SNORC: variants seen among roughly 807,000 people sequenced by gnomAD.
The protein encoded by SNORC is protein SNORC.
In SNORC, 11 loss-of-function variants were observed where a neutral mutation model predicts 9.7. The observed-to-expected ratio is 1.14, with a 90% CI of 0.72 to 1.88. The LOEUF (loss-of-function observed/expected upper bound fraction) is 1.88, where lower values mean the gene tolerates loss of function less well. Ranked by LOEUF, SNORC falls within the 40% of genes most tolerant of loss-of-function variation. SNORC has a pLI of 0.00. For synonymous variants in SNORC, 108 were observed against 88.7 expected (o/e 1.22, Z -1.22); for missense variants, 197 against 173.1 (o/e 1.14, Z -0.77).
intron 1 of SNORC, chr2:232,875,499 TG>T: frequency 2.3e-6 from 1 of 432,946 alleles, no homozygotes; most frequent in Non-Finnish European, 4.8e-6. Flanking sequence ...TTGCCGGGGA[TG>T]GATGGCCCAG....
chr2:232,870,751 G>C (rs564988373), intron 1 of SNORC, among the ~76,000 whole-genome samples: 1 of 152,210 alleles, frequency 6.6e-6, no homozygotes, highest in East Asian at 1.9e-4. Flanking sequence ...AGGCAGCTGG[G>C]GCACCAGGCA....
At chr2:232,877,155 G>A (rs994672440), downstream of SNORC, 46 of 985,450 alleles carry the variant, frequency 4.7e-5, no homozygotes, top group Non-Finnish European at 5.2e-5. Flanking sequence ...GAGAGTCGAC[G>A]CCGGACACGG....
upstream of SNORC, among the ~76,000 whole-genome samples, chr2:232,866,608 A>G (rs549111787): frequency 6.6e-6 from 1 of 152,188 alleles, no homozygotes; most frequent in South Asian, 2.1e-4. Flanking sequence ...ATTCTATGGT[A>G]TTTTTCACCA....
At chr2:232,872,517 C>A (rs527825151) in intron 1 of SNORC, among the ~76,000 whole-genome samples, 2 of 152,322 alleles carry the variant, frequency 1.3e-5, no homozygotes, top group East Asian at 3.9e-4. Flanking sequence ...GCCCCTGCTT[C>A]CCTGGGTCAG....
At chr2:232,874,747 C>G (rs947653004) in intron 1 of SNORC, among the ~76,000 whole-genome samples, 7 of 152,206 alleles carry the variant, frequency 4.6e-5, no homozygotes, top group African/African-American at 1.7e-4. Flanking sequence ...AAAAGGTGCC[C>G]TAGGGTCGCC....
chr2:232,876,125 A>G lies in SNORC; in HGVS notation c.256+3A>G. 1 of 1,276,868 alleles carries G rather than the reference A, an allele frequency of 7.8e-7. No individual in the cohort carries two copies. The highest frequency in any genetic ancestry group is 1.0e-6 in the Non-Finnish European group (1 of 994,940). 79.1% of individuals were successfully genotyped at this position (1,276,868 alleles called of 1,614,324 possible). A position where few individuals can be genotyped will look rare whatever the true frequency, so the allele number is the denominator to read the frequency against. On this transcript the variant is annotated splice_donor_region_variant and intron_variant, in intron 2 of 2. Coordinates refer to ENST00000331342, the Ensembl canonical transcript of SNORC. This position sits in a 1 kb window ranked among gnomAD's most constrained non-coding sequence, Gnocchi z 6.8. ...GGAGCGGCTGGACCAGGGCGGCGGT[A>G]CGGGCGGGGCGGGGGAGGGAGGGGA...
intron 1 of SNORC, among the ~76,000 whole-genome samples, chr2:232,872,159 G>A (rs1414914356): frequency 6.6e-6 from 1 of 152,212 alleles, no homozygotes; most frequent in Non-Finnish European, 1.5e-5. Flanking sequence ...GCTCTGGACA[G>A]GTGTGTACAC....
intron 1 of SNORC, 94 bp downstream of exon 1, chr2:232,870,508 A>G (rs1260519310): frequency 2.4e-6 from 3 of 1,241,708 alleles, no homozygotes; most frequent in East Asian, 2.5e-5. Flanking sequence ...CTGGGGAGGA[A>G]GCCCTCTCAC....
At chr2:232,876,648 T>C (rs1691263060), downstream of SNORC, 2 of 1,021,808 alleles carry the variant, frequency 2.0e-6, no homozygotes, top group Non-Finnish European at 2.3e-6. This position sits in a 1 kb window ranked among gnomAD's most constrained non-coding sequence, Gnocchi z 6.8. Context: ...GCCGCGCGGC[T>C]CGGCGTCCCC....
At position 232,871,331 on chromosome 2, in the gene SNORC, A is replaced by G. The variant is rs573465012; in HGVS notation, c.73+917A>G. On this transcript the variant is annotated intron_variant, in intron 1 of 2. Coordinates refer to ENST00000331342, the Ensembl canonical transcript of SNORC. ...GTGACAGCGAGGAGCACCGGAGACT[A>G]TTGGCTTCTCCCTGGACGCCCAGGA... Among the ~76,000 whole-genome samples, 95 of 152,166 alleles carry G rather than the reference A, an allele frequency of 6.2e-4. 1 individual carries two copies. Among genetic ancestry groups the G allele is most frequent in the Admixed American group, 1.5e-3 (23 of 15,284 alleles).
At chr2:232,875,589 G>A (rs571794473) in intron 1 of SNORC, 17 of 421,590 alleles carry the variant, frequency 4.0e-5, no homozygotes, top group Admixed American at 1.9e-4. Context: ...TCATGCAGGC[G>A]TCTCAGCCTG....
chr2:232,877,042 G>A (rs1009892706), downstream of SNORC: 3 of 985,614 alleles, frequency 3.0e-6, no homozygotes, highest in South Asian at 1.4e-4. Context: ...GGTTTTGGGG[G>A]ACGTCTTGAC....
chr2:232,867,591 T>G (rs1344765302), upstream of SNORC, among the ~76,000 whole-genome samples: 4 of 152,358 alleles, frequency 2.6e-5, no homozygotes, highest in East Asian at 7.7e-4. Flanking sequence ...AATTTGAGTT[T>G]TATAAGTAAA....
chr2:232,868,150 C>CT (rs35855568), upstream of SNORC, among the ~76,000 whole-genome samples: 935 of 130,024 alleles, frequency 7.2e-3, 6 homozygotes, highest in South Asian at 0.017. Context: ...GTCATTTCAT[C>CT]TTTTTTTTTT....
At chr2:232,872,563 G>T (rs1691067901) in intron 1 of SNORC, among the ~76,000 whole-genome samples, 1 of 152,216 alleles carries the variant, frequency 6.6e-6, no homozygotes, top group Non-Finnish European at 1.5e-5. Context: ...ATTCTGGTCA[G>T]TGGAGTCTGG....
chr2:232,877,072 GC>G, downstream of SNORC: 3 of 985,946 alleles, frequency 3.0e-6, no homozygotes, highest in Non-Finnish European at 3.6e-6. Flanking sequence ...TGCAGCCAGG[GC>G]CCCATCCGCG....
At chr2:232,871,580 G>T (rs1290708491) in intron 1 of SNORC, among the ~76,000 whole-genome samples, 1 of 152,190 alleles carries the variant, frequency 6.6e-6, no homozygotes, top group Admixed American at 6.5e-5. Context: ...GCACAGGGTG[G>T]TCTCAACAGA....
intron 1 of SNORC, among the ~76,000 whole-genome samples, chr2:232,870,915 C>T (rs995030844): frequency 3.9e-5 from 6 of 152,170 alleles, no homozygotes; most frequent in Admixed American, 2.6e-4. Flanking sequence ...AATACAAGGC[C>T]CAAGATCCCT....
chr2:232,867,466 A>C (rs1167457019), upstream of SNORC, among the ~76,000 whole-genome samples: 1 of 152,220 alleles, frequency 6.6e-6, no homozygotes, highest in Non-Finnish European at 1.5e-5. Flanking sequence ...CATTGCAGCT[A>C]TCTGTAATTT....
Sources: allele counts gnomAD v4.1 joint callset (sites outside exome capture counted in the v4.1 genomes callset), GRCh38; gene constraint gnomAD v4.1.1; non-coding constraint Gnocchi (gnomAD v3.1); transcripts MANE v1.5; gene names NCBI Gene and HGNC (gene_info 2026-07-23, HGNC 2026-07-21).